Variants in RNF38 observed in about 807,000 individuals in gnomAD.
RNF38 encodes the protein ring finger protein 38.
Under a neutral mutation model 67.2 loss-of-function variants are expected in RNF38, and 15 were observed. The observed-to-expected ratio is 0.22, with a 90% confidence interval of 0.15 to 0.34. The LOEUF (loss-of-function observed/expected upper bound fraction) is 0.34. Among genes scored for constraint, RNF38 ranks in the 10% least tolerant of loss-of-function variants. The probability of loss-of-function intolerance (pLI) is 1.00; values close to 1 mark genes in which losing one functional copy is unlikely to be tolerated. For missense variants in RNF38, 524 were observed against 639.9 expected, an observed-to-expected ratio of 0.82 and a Z score of 1.95; for synonymous variants, 220 against 218.8, an observed-to-expected ratio of 1.01 and a Z score of -0.05.
intron 2 of RNF38, among the ~76,000 whole-genome samples, chr9:36,414,556 C>A (rs1392022502): frequency 6.6e-6 from 1 of 151,886 alleles, no homozygotes; most frequent in Non-Finnish European, 1.5e-5. Context: ...CGTGGTGGCA[C>A]ATGCCTGTAA....
chr9:36,443,237 T>C (rs1258050205), intron 1 of RNF38, among the ~76,000 whole-genome samples: 2 of 151,980 alleles, frequency 1.3e-5, no homozygotes, highest in African/African-American at 4.8e-5. Context: ...AGACCTGGAG[T>C]GGGGACAGCA....
intron 1 of RNF38, among the ~76,000 whole-genome samples, chr9:36,443,681 G>A (rs1839243715): frequency 6.6e-6 from 1 of 151,980 alleles, no homozygotes; most frequent in South Asian, 2.1e-4. Flanking sequence ...ATGCAAAAAA[G>A]AAATGAACTT....
chr9:36,385,903 G>A (rs147655285), intron 2 of RNF38, among the ~76,000 whole-genome samples: 125 of 152,198 alleles, frequency 8.2e-4, no homozygotes, highest in African/African-American at 2.9e-3. Flanking sequence ...CTGACCTCTC[G>A]CTGACCGACT....
chr9:36,407,515 G>C (rs552296200), intron 2 of RNF38, among the ~76,000 whole-genome samples: 10 of 152,262 alleles, frequency 6.6e-5, no homozygotes, highest in African/African-American at 2.4e-4. Context: ...GAAAAACAGA[G>C]ACCTATACCA....
intron 10 of RNF38, among the ~76,000 whole-genome samples, chr9:36,342,789 T>C (rs554582740): frequency 4.6e-5 from 7 of 152,222 alleles, no homozygotes; most frequent in Non-Finnish European, 8.8e-5. Flanking sequence ...TGTTAAGAGC[T>C]GATCTATTAA....
At chr9:36,350,041 C>T (rs535612557) in intron 9 of RNF38, among the ~76,000 whole-genome samples, 4 of 152,228 alleles carry the variant, frequency 2.6e-5, no homozygotes, top group South Asian at 4.2e-4. Context: ...TGGCCTCGAA[C>T]TCCTGACCTC....
rs1833838225 is a variant in RNF38, at chr9:36,353,261, G to A, written c.980C>T (p.Pro327Leu). ...TAATGTTGGGGGGTGGGCTGATGGA[G>A]GGTAAGTAAAACCTCCTACTGGAAG... Reference protein sequence around the residue: ...EHLPVGGFTYPPSAHPPTLPP... With the variant: ...EHLPVGGFTYLPSAHPPTLPP... Residue 327 changes from proline to leucine, a missense_variant, in exon 7 of 12, where the codon CCT becomes CTT. Coordinates refer to ENST00000259605, the MANE Select transcript of RNF38 (RefSeq NM_022781.5). The A allele has an allele frequency of 1.2e-6, 2 of 1,613,142 alleles. No homozygotes were observed. The highest frequency in any genetic ancestry group is 8.5e-7 in the Non-Finnish European group (1 of 1,179,522).
chr9:36,484,125 T>C (rs1372992900), intron 1 of RNF38, among the ~76,000 whole-genome samples: 2 of 152,196 alleles, frequency 1.3e-5, no homozygotes, highest in African/African-American at 2.4e-5. Flanking sequence ...CATCCCAATC[T>C]ACTGGGGAGT....
At chr9:36,483,897 G>GCTAA (rs745967514) in intron 1 of RNF38, among the ~76,000 whole-genome samples, 3 of 152,140 alleles carry the variant, frequency 2.0e-5, no homozygotes, top group Non-Finnish European at 4.4e-5. Context: ...GGGCCCCTTA[G>GCTAA]CTAACTCCAT....
intron 2 of RNF38, 137 bp from the exon 3 acceptor site, chr9:36,376,264 T>A: frequency 1.6e-6 from 1 of 626,990 alleles, no homozygotes. Context: ...TGCTATCAAT[T>A]CAAATTTAAA....
upstream of RNF38, chr9:36,400,881 C>T: frequency 1.0e-6 from 1 of 984,984 alleles, no homozygotes; most frequent in Non-Finnish European, 1.2e-6. Flanking sequence ...CACTAGGGGC[C>T]CGGCCCGGCC....
intron 1 of RNF38, among the ~76,000 whole-genome samples, chr9:36,428,341 A>C (rs1280199965): frequency 6.6e-6 from 1 of 150,478 alleles, no homozygotes; most frequent in Non-Finnish European, 1.5e-5. Flanking sequence ...TGAACCCGGG[A>C]GGTGGAGGTT....
intron 1 of RNF38, among the ~76,000 whole-genome samples, chr9:36,485,125 C>T (rs1040097635): frequency 2.6e-5 from 4 of 152,132 alleles, no homozygotes; most frequent in Non-Finnish European, 5.9e-5. Flanking sequence ...GGCGAGATCA[C>T]GCCACTGCAC....
At chr9:36,416,653 C>T (rs570137240) in intron 2 of RNF38, among the ~76,000 whole-genome samples, 29 of 151,794 alleles carry the variant, frequency 1.9e-4, no homozygotes, top group African/African-American at 7.0e-4. Flanking sequence ...GGCAGCCTTT[C>T]CCAAGAACCC....
At position 36,415,339 on chromosome 9, in the gene RNF38, T is replaced by A. The variant is rs897432737; in HGVS notation, n.312+9274A>T. The stretch of plus-strand genomic sequence containing the variant: ...TTGAAATTTTCCAGTGTATTTTGTA[T>A]TTAAGTGTGTCTTTCATTTCCTGAA... On this transcript the variant is annotated intron_variant and non_coding_transcript_variant, in intron 2 of 3. Transcript: ENST00000488058. Among the ~76,000 whole-genome samples the A allele has an allele frequency of 3.0e-4, 45 of 152,250 alleles. 1 individual carries two copies. Among genetic ancestry groups the A allele is most frequent in the African/African-American group, 1.0e-3 (42 of 41,468 alleles).
chr9:36,458,380 C>T (rs554069222), intron 1 of RNF38, among the ~76,000 whole-genome samples: 22 of 152,306 alleles, frequency 1.4e-4, no homozygotes, highest in African/African-American at 4.6e-4. Context: ...AGCAGCAACC[C>T]GCCTGGGTCC....
At chr9:36,449,144 C>T (rs1312270632) in intron 1 of RNF38, among the ~76,000 whole-genome samples, 1 of 152,166 alleles carries the variant, frequency 6.6e-6, no homozygotes, top group African/African-American at 2.4e-5. Flanking sequence ...TCTGTATCAC[C>T]ATTTACACAA....
At chr9:36,390,822 T>C (rs1396206744) in intron 1 of RNF38, among the ~76,000 whole-genome samples, 3 of 152,312 alleles carry the variant, frequency 2.0e-5, no homozygotes, top group East Asian at 3.9e-4. Context: ...CAAAAACTGT[T>C]GGAGGCAAAA....
intron 4 of RNF38, among the ~76,000 whole-genome samples, chr9:36,359,164 T>C (rs1000527597): frequency 6.6e-6 from 1 of 152,140 alleles, no homozygotes; most frequent in Admixed American, 6.6e-5. Flanking sequence ...GTAATTTTTT[T>C]ATTTAAGAGG....
Sources: allele counts gnomAD v4.1 joint callset (sites outside exome capture counted in the v4.1 genomes callset), GRCh38; gene constraint gnomAD v4.1.1; transcripts MANE v1.5; gene names NCBI Gene and HGNC (gene_info 2026-07-23, HGNC 2026-07-21).